Variants in ACTL8 observed in about 807,000 individuals in gnomAD.
ACTL8 encodes the protein actin-like protein 8.
In ACTL8, 3 loss-of-function variants were observed where a neutral mutation model predicts 9.3. The observed-to-expected ratio is 0.32, with a 90% confidence interval of 0.15 to 0.83. The LOEUF (loss-of-function observed/expected upper bound fraction) is 0.83, where lower values mean the gene tolerates loss of function less well. ACTL8 is among the 40% of genes least tolerant of loss of function. The pLI, the probability that ACTL8 is intolerant of heterozygous loss-of-function variation, is 0.57. For synonymous variants in ACTL8, 224 were observed against 205.9 expected (o/e 1.09, Z -0.75); for missense variants, 381 against 492.2 (o/e 0.77, Z 2.14).
chr1:17,759,974 A>G (rs553740870), intron 1 of ACTL8, among the ~76,000 whole-genome samples: 139 of 152,258 alleles, frequency 9.1e-4, no homozygotes, highest in African/African-American at 3.3e-3. Context: ...TATTCAAATG[A>G]CTGCGCAGCT....
At chr1:17,795,990 G>A (rs1011189052) in intron 1 of ACTL8, among the ~76,000 whole-genome samples, 8 of 152,288 alleles carry the variant, frequency 5.3e-5, no homozygotes, top group Admixed American at 5.2e-4. Context: ...CCCTCAGGAA[G>A]TCCCCTGGGG....
chr1:17,799,843 A>G (rs1325264499), intron 1 of ACTL8, among the ~76,000 whole-genome samples: 1 of 129,964 alleles, frequency 7.7e-6, no homozygotes, highest in African/African-American at 3.0e-5. Context: ...CACCACCCAC[A>G]TCCATCCTTT....
intron 1 of ACTL8, among the ~76,000 whole-genome samples, chr1:17,817,743 C>T (rs1205453329): frequency 2.0e-5 from 3 of 151,974 alleles, no homozygotes; most frequent in African/African-American, 4.8e-5. Context: ...CTCTGTCACC[C>T]AGGCTGGAGT....
intron 1 of ACTL8, among the ~76,000 whole-genome samples, chr1:17,764,753 G>A (rs1282379114): frequency 6.6e-6 from 1 of 152,214 alleles, no homozygotes; most frequent in African/African-American, 2.4e-5. Flanking sequence ...CTTGAGGCCC[G>A]CGTTCCTCCA....
intron 1 of ACTL8, among the ~76,000 whole-genome samples, chr1:17,785,587 T>A (rs143438224): frequency 1.5e-3 from 223 of 152,322 alleles, no homozygotes; most frequent in Admixed American, 3.7e-3. Flanking sequence ...ATTTCAACCC[T>A]CTCATCCCAC....
At chr1:17,766,155 A>C (rs2102675739) in intron 1 of ACTL8, among the ~76,000 whole-genome samples, 1 of 152,312 alleles carries the variant, frequency 6.6e-6, no homozygotes, top group Admixed American at 6.5e-5. Flanking sequence ...CACGGCTGTG[A>C]TGGAGGTGGG....
chr1:17,819,820 C>T lies in ACTL8; in HGVS notation c.-24-3165C>T, dbSNP rs139529217. Among the ~76,000 whole-genome samples, 235 of 152,070 alleles carry T rather than the reference C, an allele frequency of 1.5e-3. 1 individual carries two copies. Among genetic ancestry groups the T allele is most frequent in the African/African-American group, 4.4e-3 (184 of 41,480 alleles). On this transcript the variant is annotated intron_variant, in intron 1 of 2. Transcript: ENST00000375406. ...CCTAGGTGGGCGGATTGCTTGAGCC[C>T]GGGAGTTTGAGACCAGCCTAGGCTG...
chr1:17,757,247 T>C (rs1466020280), intron 1 of ACTL8, among the ~76,000 whole-genome samples: 2 of 132,068 alleles, frequency 1.5e-5, no homozygotes, highest in African/African-American at 2.5e-5. Flanking sequence ...ACAGCTTCCA[T>C]GGCAGCCCTT....
chr1:17,781,842 G>A (rs191495705), intron 1 of ACTL8, among the ~76,000 whole-genome samples: 30 of 152,234 alleles, frequency 2.0e-4, no homozygotes, highest in Middle Eastern at 3.4e-3. Context: ...CACAGATGCG[G>A]GGACCCATGC....
At chr1:17,795,643 C>T (rs1056271345) in intron 1 of ACTL8, among the ~76,000 whole-genome samples, 1 of 152,156 alleles carries the variant, frequency 6.6e-6, no homozygotes, top group African/African-American at 2.4e-5. Flanking sequence ...TTCCCTTTGG[C>T]TCCAATCAGG....
At chr1:17,791,126 C>G (rs2066236257) in intron 1 of ACTL8, among the ~76,000 whole-genome samples, 1 of 152,138 alleles carries the variant, frequency 6.6e-6, no homozygotes. Flanking sequence ...CCTGCCTACT[C>G]CATGGAGCAG....
In ACTL8 at chr1:17,789,835, G is replaced by C. The variant is rs186997221; in HGVS notation, c.-24-33150G>C. 1.8e-3 allele frequency among the ~76,000 whole-genome samples: 271 copies of C among 151,594 alleles called. 1 individual carries two copies. Among genetic ancestry groups the C allele is most frequent in the African/African-American group, 6.2e-3 (252 of 40,914 alleles). ...ACCATACCGTTGTTATAGGACCTTT[G>C]GGGTGTCATTTTTCTGGCTGGAAAC... On this transcript the variant is annotated intron_variant, in intron 1 of 2. Coordinates refer to ENST00000375406, the MANE Select transcript of ACTL8 (RefSeq NM_030812.3).
chr1:17,772,265 G>A (rs757853467), intron 1 of ACTL8, among the ~76,000 whole-genome samples: 26 of 152,218 alleles, frequency 1.7e-4, no homozygotes, highest in Non-Finnish European at 3.5e-4. Flanking sequence ...ATGGCAGCAT[G>A]AACTGCACTT....
At chr1:17,775,591 A>T (rs570932542) in intron 1 of ACTL8, among the ~76,000 whole-genome samples, 31 of 152,360 alleles carry the variant, frequency 2.0e-4, no homozygotes, top group Admixed American at 1.7e-3. Context: ...CCAAAAGGCT[A>T]TCGTTTCCTG....
At chr1:17,802,018 A>G (rs1405208034) in intron 1 of ACTL8, among the ~76,000 whole-genome samples, 1 of 152,212 alleles carries the variant, frequency 6.6e-6, no homozygotes, top group Non-Finnish European at 1.5e-5. Context: ...TTTAGCTGCT[A>G]ATTCGTATAC....
In ACTL8 at chr1:17,776,969, ATTTTTTTTTTTTTT is replaced by A. The variant is rs765972298; in HGVS notation, c.-25+21488_-25+21501del. Among the ~76,000 whole-genome samples, 26 of 50,552 alleles carry A rather than the reference ATTTTTTTTTTTTTT, an allele frequency of 5.1e-4. No homozygotes were observed. In the South Asian group the frequency reaches 8.0e-3, roughly 16 times the overall value. 33.2% of individuals were successfully genotyped at this position (50,552 alleles called of 152,430 possible). A position where few individuals can be genotyped will look rare whatever the true frequency, so the allele number is the denominator to read the frequency against. ...CATCCACCACCGTTCCTGGCTAATG[ATTTTTTTTTTTTTT>A]TTTTTTTTTTTTTTTTTTTTTTAGA... On this transcript the variant is annotated intron_variant, in intron 1 of 2. Coordinates refer to ENST00000375406, the MANE Select transcript of ACTL8 (RefSeq NM_030812.3).
At chr1:17,778,404 T>A (rs937745644) in intron 1 of ACTL8, among the ~76,000 whole-genome samples, 2 of 151,902 alleles carry the variant, frequency 1.3e-5, no homozygotes, top group Non-Finnish European at 2.9e-5. Context: ...GCTAAGCTGC[T>A]CCCACTGAGA....
At chr1:17,803,219 C>T (rs1052752952) in intron 1 of ACTL8, among the ~76,000 whole-genome samples, 1 of 150,786 alleles carries the variant, frequency 6.6e-6, no homozygotes, top group African/African-American at 2.4e-5. Context: ...TTTTGCTCGG[C>T]ACTTCTCCTT....
rs138440873 is a variant in ACTL8, at chr1:17,801,348, C to T, written c.-24-21637C>T. ...ACACAGCAATTCTAGATATTTAAAG[C>T]TGTAAAACAAGATAACAAACTGTTA... On this transcript the variant is annotated intron_variant, in intron 1 of 2. Coordinates refer to ENST00000375406, the MANE Select transcript of ACTL8 (RefSeq NM_030812.3). 6.5e-4 allele frequency among the ~76,000 whole-genome samples: 99 copies of T among 152,268 alleles called. 1 individual carries two copies. The East Asian group carries it at 0.019, about 28-fold the overall frequency.
Sources: allele counts gnomAD v4.1 joint callset (sites outside exome capture counted in the v4.1 genomes callset), GRCh38; gene constraint gnomAD v4.1.1; transcripts MANE v1.5; gene names NCBI Gene and HGNC (gene_info 2026-07-23, HGNC 2026-07-21).